PSMD14: variants seen among roughly 807,000 people sequenced by gnomAD.
PSMD14 encodes ubiquitin C-terminal hydrolase PSMD14.
PSMD14 carries 7 observed loss-of-function variants against 41.2 expected under a neutral mutation model. The ratio of observed to expected loss-of-function variants is 0.17; its 90% CI spans 0.10 to 0.32. PSMD14 has a LOEUF of 0.32. Among genes scored for constraint, PSMD14 ranks in the 10% least tolerant of loss-of-function variants. The pLI is 1.00. For missense variants in PSMD14, 139 were observed against 375.6 expected, an observed-to-expected ratio of 0.37 and a Z score of 5.21; for synonymous variants, 114 against 122.3, an observed-to-expected ratio of 0.93 and a Z score of 0.45.
At chr2:161,376,489 AAATT>A (rs1302439276) in intron 7 of PSMD14, among the ~76,000 whole-genome samples, 4 of 151,978 alleles carry the variant, frequency 2.6e-5, no homozygotes, top group African/African-American at 9.7e-5. Flanking sequence ...ACAAGCCCAT[AAATT>A]AATCTCTAAT....
intron 10 of PSMD14, among the ~76,000 whole-genome samples, chr2:161,403,565 G>A (rs1683910541): frequency 6.6e-6 from 1 of 152,088 alleles, no homozygotes; most frequent in Non-Finnish European, 1.5e-5. Flanking sequence ...ATTGGTTCAT[G>A]TCACTACCGT....
chr2:161,323,424 G>A (rs1682639629), intron 3 of PSMD14, among the ~76,000 whole-genome samples: 1 of 152,072 alleles, frequency 6.6e-6, no homozygotes, highest in Non-Finnish European at 1.5e-5. Flanking sequence ...AGCCCTTTGG[G>A]AGACCGAGGG....
At chr2:161,377,041 T>C (rs1683511817) in intron 7 of PSMD14, among the ~76,000 whole-genome samples, 1 of 147,172 alleles carries the variant, frequency 6.8e-6, no homozygotes, top group Non-Finnish European at 1.5e-5. Context: ...AGTTTACTCA[T>C]GGACATTATC....
intron 1 of PSMD14, among the ~76,000 whole-genome samples, chr2:161,314,314 G>C (rs1378421395): frequency 6.6e-6 from 1 of 152,110 alleles, no homozygotes; most frequent in Non-Finnish European, 1.5e-5. Context: ...ATAAGTAACT[G>C]AGTAAGAATG....
At chr2:161,331,458 C>G (rs1018701195) in intron 3 of PSMD14, among the ~76,000 whole-genome samples, 15 of 152,036 alleles carry the variant, frequency 9.9e-5, no homozygotes, top group Admixed American at 1.3e-4. Flanking sequence ...CGGGGTTTCA[C>G]CATGCTGACC....
At chr2:161,382,322 G>A (rs1683579819) in intron 7 of PSMD14, 1 of 151,772 alleles carries the variant, frequency 6.6e-6, no homozygotes, top group Non-Finnish European at 1.5e-5. Flanking sequence ...ATAGACCAAA[G>A]GTGCTATTAA....
intron 3 of PSMD14, among the ~76,000 whole-genome samples, chr2:161,339,496 AT>A (rs202216505): frequency 0.61 from 64,102 of 105,238 alleles, 18,879 homozygotes; most frequent in Admixed American, 0.71. Flanking sequence ...TTGTTAATGA[AT>A]TTTTTTTTTT....
intron 3 of PSMD14, among the ~76,000 whole-genome samples, chr2:161,330,281 A>G (rs1442573252): frequency 6.6e-6 from 1 of 152,206 alleles, no homozygotes; most frequent in Non-Finnish European, 1.5e-5. Flanking sequence ...GACATCTGAT[A>G]CCATTTTTGG....
chr2:161,406,420 C>G (rs1044780319), intron 10 of PSMD14, among the ~76,000 whole-genome samples: 1 of 152,140 alleles, frequency 6.6e-6, no homozygotes, highest in African/African-American at 2.4e-5. Flanking sequence ...AAATTTGACG[C>G]CAAATCACAG....
intron 3 of PSMD14, among the ~76,000 whole-genome samples, chr2:161,336,833 C>A (rs1689712141): frequency 6.6e-6 from 1 of 152,208 alleles, no homozygotes; most frequent in Non-Finnish European, 1.5e-5. Context: ...CCTCAGCCAT[C>A]CAAAGTGCTG....
At chr2:161,343,948 A>G (rs1001644184) in intron 3 of PSMD14, among the ~76,000 whole-genome samples, 4 of 152,230 alleles carry the variant, frequency 2.6e-5, no homozygotes, top group African/African-American at 9.7e-5. Flanking sequence ...TGTACTGAAC[A>G]TGTACACTTT....
intron 3 of PSMD14, among the ~76,000 whole-genome samples, chr2:161,338,233 T>C (rs1036007227): frequency 2.6e-5 from 4 of 152,152 alleles, no homozygotes; most frequent in African/African-American, 7.2e-5. Flanking sequence ...TTTAGAGCTA[T>C]AAATTACGAG....
chr2:161,372,865 C>G (rs2105258703), intron 7 of PSMD14, among the ~76,000 whole-genome samples: 1 of 151,798 alleles, frequency 6.6e-6, no homozygotes, highest in Admixed American at 6.6e-5. Flanking sequence ...ATAATTAAAG[C>G]TTAATTTTAA....
intron 1 of PSMD14, chr2:161,308,854 C>T (rs762025873): frequency 2.6e-4 from 39 of 152,572 alleles, no homozygotes; most frequent in Non-Finnish European, 5.4e-4. Flanking sequence ...GAACCTCTTC[C>T]ATCTATATAG....
At chr2:161,347,191 G>T (rs6755769) in intron 3 of PSMD14, among the ~76,000 whole-genome samples, 139,014 of 152,270 alleles carry the variant, frequency 0.91, 63,502 homozygotes, top group East Asian at 1. Context: ...GCTTGATCAG[G>T]GTCTTACAAA....
intron 9 of PSMD14, among the ~76,000 whole-genome samples, chr2:161,394,671 G>T (rs1036489114): frequency 1.3e-5 from 2 of 152,124 alleles, no homozygotes; most frequent in Non-Finnish European, 2.9e-5. Context: ...GGAGAGAAAT[G>T]CAGTAAACAA....
chr2:161,357,097 G>A (rs555745745), intron 3 of PSMD14, among the ~76,000 whole-genome samples: 2 of 77,768 alleles, frequency 2.6e-5, no homozygotes, highest in African/African-American at 1.2e-4. Flanking sequence ...TTAGCACTTA[G>A]TCAACAAGGG....
intron 3 of PSMD14, among the ~76,000 whole-genome samples, chr2:161,334,295 C>T (rs2105238052): frequency 6.6e-6 from 1 of 152,274 alleles, no homozygotes; most frequent in African/African-American, 2.4e-5. Flanking sequence ...AAGATGGCAC[C>T]ATTGCACTCC....
chr2:161,364,390 G>C (rs958947020), intron 3 of PSMD14, among the ~76,000 whole-genome samples: 1 of 152,118 alleles, frequency 6.6e-6, no homozygotes, highest in Admixed American at 6.5e-5. Context: ...GGCAGGCCAG[G>C]GTGGTCTTGG....
Sources: gnomAD v4.1 joint callset for allele counts (sites outside exome capture counted in the v4.1 genomes callset) on GRCh38, gnomAD v4.1.1 for gene constraint, MANE v1.5 for transcripts, NCBI Gene and HGNC (gene_info 2026-07-23, HGNC 2026-07-21) for gene names.